EVI5L: variants seen among roughly 807,000 people sequenced by gnomAD.
EVI5L encodes EVI5-like protein.
Under a neutral mutation model 106.1 loss-of-function variants are expected in EVI5L, and 30 were observed. That is an observed-to-expected ratio of 0.28 (90% CI 0.21 to 0.38). The LOEUF (loss-of-function observed/expected upper bound fraction) is 0.38. EVI5L is among the 10% of genes least tolerant of loss of function. EVI5L has a pLI of 1.00. For missense variants in EVI5L, 809 were observed against 1,098.0 expected (o/e 0.74, Z 3.72); for synonymous variants, 489 against 483.3 (o/e 1.01, Z -0.15).
chr19:7,834,373 G>T (rs1978314112), intron 1 of EVI5L, among the ~76,000 whole-genome samples: 1 of 151,950 alleles, frequency 6.6e-6, no homozygotes, highest in African/African-American at 2.4e-5. Context: ...AAAAATGAGG[G>T]TTTTGCCAGA....
intron 17 of EVI5L, 71 bp from the exon 18 acceptor site, chr19:7,862,901 C>T (rs1979911434): frequency 8.6e-7 from 1 of 1,159,360 alleles, no homozygotes; most frequent in African/African-American, 1.6e-5. Context: ...TCGCCCCTGC[C>T]CGCGGTCCCG....
intron 10 of EVI5L, 131 bp downstream of exon 10, chr19:7,853,464 C>A: frequency 8.0e-7 from 1 of 1,249,572 alleles, no homozygotes; most frequent in Middle Eastern, 2.7e-4. Flanking sequence ...CCTTGGCGGA[C>A]AGGCCTCCGC....
In EVI5L at chr19:7,849,261, C is replaced by T. The variant is rs1277090964; in HGVS notation, c.558C>T (p.Tyr186=). 1.2e-6 allele frequency: 2 copies of T among 1,614,204 alleles called. No homozygotes were observed. The highest frequency in any genetic ancestry group is 1.1e-5 in the South Asian group (1 of 91,084). Reference sequence around the variant, plus strand: ...CAGGACTTGTTCCCTTCTAGGCATACTCGCTGGTAGACCGGGAGGTGGGCT... The same window carrying T: ...CAGGACTTGTTCCCTTCTAGGCATATTCGCTGGTAGACCGGGAGGTGGGCT... ...QEVLFNVMKA[Y]SLVDREVGYC... Residue 186 remains tyrosine, a synonymous_variant, in exon 5 of 20, where the codon TAC becomes TAT. Transcript: ENST00000538904.
chr19:7,861,526 AG>A (rs1979798563), intron 14 of EVI5L, among the ~76,000 whole-genome samples: 1 of 152,242 alleles, frequency 6.6e-6, no homozygotes. Context: ...TGGGGGCCAG[AG>A]GGCAGACAGG....
At chr19:7,852,717 A>C (rs1979317596) in intron 8 of EVI5L, 6 of 155,046 alleles carry the variant, frequency 3.9e-5, no homozygotes, top group South Asian at 3.2e-4. Context: ...ATGTCCAGCT[A>C]ATTTTTTTTT....
intron 1 of EVI5L, among the ~76,000 whole-genome samples, chr19:7,843,371 C>G (rs1978767381): frequency 2.4e-5 from 2 of 81,820 alleles, no homozygotes; most frequent in African/African-American, 4.6e-5. Context: ...TGAGAATAGG[C>G]ATGGGTGTGT....
rs551554016 is a variant in EVI5L at position 7,847,630 on chromosome 19, T to C, written c.138-102T>C. On this transcript the variant is annotated intron_variant, in intron 2 of 19. Transcript: ENST00000538904. ...AGAACAAGAGGGACCTAATCCCTGG[T>C]GTCCTCTAAGACCCCCAGGAGGGGG... The C allele has an allele frequency of 3.5e-5, 40 of 1,153,514 alleles. No individual in the cohort carries two copies. The Admixed American group carries it at 9.3e-4, about 27-fold the overall frequency. The allele number at this position is 1,153,514 out of a possible 1,614,324, so 71.5% of individuals were successfully genotyped here.
chr19:7,847,778 C>T lies in EVI5L; in HGVS notation c.184C>T (p.Arg62Trp). 6.2e-7 allele frequency: 1 copy of T among 1,613,260 alleles called. No homozygotes were observed. ...GTCCATGCGCTCCATGAATGGCTCG[C>T]GGCGGAACAGTGGCTCCTCGCTAGT... ...SKSMRSMNGS[R>W]RNSGSSLVSS... is the part of the protein sequence containing the mutation. Residue 62 changes from arginine to tryptophan, a missense_variant, in exon 3 of 20, where the codon CGG becomes TGG. Transcript: ENST00000538904.
chr19:7,853,930 C>T (rs1979390111), intron 10 of EVI5L, among the ~76,000 whole-genome samples: 1 of 152,190 alleles, frequency 6.6e-6, no homozygotes, highest in Non-Finnish European at 1.5e-5. Context: ...GTGTGCAAAG[C>T]TTCTCTCTCC....
Position 7,851,088 on chromosome 19 carries a change from T to TG in EVI5L, c.754-345dup, listed in dbSNP as rs550200712. ...CATGCTCCACCTCTGGGTCTCAGGG[T>TG]GTCTGTGGGGAGTGACCCAACTCCC... On this transcript the variant is annotated intron_variant, in intron 6 of 19. Transcript: ENST00000538904. Among the ~76,000 whole-genome samples, 30 of 151,828 alleles carry TG rather than the reference T, an allele frequency of 2.0e-4. No homozygotes were observed. In the South Asian group the frequency reaches 6.2e-3, roughly 32 times the overall value.
At chr19:7,842,422 T>C (rs1209572674) in intron 1 of EVI5L, among the ~76,000 whole-genome samples, 1 of 106,072 alleles carries the variant, frequency 9.4e-6, no homozygotes, top group African/African-American at 3.3e-5. Flanking sequence ...ATCAAGTGTG[T>C]GCATGTGTGT....
At chr19:7,838,861 C>T (rs1294633209) in intron 1 of EVI5L, among the ~76,000 whole-genome samples, 1 of 152,020 alleles carries the variant, frequency 6.6e-6, no homozygotes, top group Non-Finnish European at 1.5e-5. Context: ...CCAAACCGGC[C>T]AGGCACAGTC....
Position 7,851,516 on chromosome 19 carries a change from T to C in EVI5L, c.836T>C (p.Leu279Pro). The C allele has an allele frequency of 6.2e-7, 1 of 1,613,438 alleles. No individual in the cohort carries two copies. Residue 279 changes from leucine (L) to proline (P), a missense_variant, in exon 7 of 20, where the codon CTG (leucine) becomes CCG (proline). Physicochemically the swap from Leu to Pro is moderately conservative, Grantham distance 98. Transcript: ENST00000538904. ...TATGCCTCGTCCTGGTTCCTCACAC[T>C]GTTCCTGACCACCTTCCCACTCCCC... ...SMYASSWFLT[L>P]FLTTFPLPVA...
rs767666253 is a variant in EVI5L, at chr19:7,857,489, C to T, written c.1233+365C>T. On this transcript the variant is annotated intron_variant, in intron 12 of 19. Transcript: ENST00000538904. The surrounding 1 kb of genome is among the most constrained non-coding windows in gnomAD (Gnocchi z 4.5). The stretch of plus-strand genomic sequence containing the variant: ...GCTGCGGTCACACACACACACAACA[C>T]ATGCACACACACACACGCACACACA... 326 of 440,594 alleles carry T rather than the reference C, an allele frequency of 7.4e-4. No individual in the cohort carries two copies. Among genetic ancestry groups the T allele is most frequent in the Non-Finnish European group, 1.2e-3 (291 of 237,610 alleles). 27.3% of individuals were successfully genotyped at this position (440,594 alleles called of 1,614,324 possible). A position where few individuals can be genotyped will look rare whatever the true frequency, so the allele number is the denominator to read the frequency against.
Position 7,862,958 on chromosome 19 carries a change from TC to T in EVI5L, c.1948-9del, listed in dbSNP as rs1353291176. The T allele has an allele frequency of 6.7e-6, 6 of 899,238 alleles. No individual in the cohort carries two copies. The African/African-American group carries it at 1.1e-4, about 16-fold the overall frequency. The allele number at this position is 899,238 out of a possible 1,614,324, so 55.7% of individuals were successfully genotyped here. A position where few individuals can be genotyped will look rare whatever the true frequency, so the allele number is the denominator to read the frequency against. ...CTGACCCGCCCTCCTTTCCCCCCAATCCCCCGACCCCAGAGCAAGGAGGAGG... is the reference window on the plus strand; with the variant it reads ...CTGACCCGCCCTCCTTTCCCCCCAATCCCCGACCCCAGAGCAAGGAGGAGG... On this transcript the variant is annotated splice_polypyrimidine_tract_variant and intron_variant, in intron 17 of 19. Transcript: ENST00000538904.
In EVI5L at chr19:7,848,133, G is replaced by A. The variant is rs747029438; in HGVS notation, c.327+212G>A. 6.6e-6 allele frequency among the ~76,000 whole-genome samples: 1 copy of A among 152,160 alleles called. No individual in the cohort carries two copies. Among genetic ancestry groups the A allele is most frequent in the Non-Finnish European group, 1.5e-5 (1 of 68,026 alleles). On this transcript the variant is annotated intron_variant, in intron 3 of 19. Coordinates refer to ENST00000538904, the MANE Select transcript of EVI5L (RefSeq NM_001159944.3). This position sits in a 1 kb window ranked among gnomAD's most constrained non-coding sequence, Gnocchi z 4.8. ...TGCTGGACAGGCCCTGCACCCTCGA[G>A]TGCCCATGTGCTTGCTGCCCTGTAG...
rs1476451564 is a variant in EVI5L, at chr19:7,848,155, G to A, written c.327+234G>A. Among the ~76,000 whole-genome samples the A allele has an allele frequency of 1.3e-5, 2 of 152,198 alleles. No individual in the cohort carries two copies. The highest frequency in any genetic ancestry group is 4.8e-5 in the African/African-American group (2 of 41,444). ...CGAGTGCCCATGTGCTTGCTGCCCTGTAGTGCCCATGAAGGATGGGGGTGT... is the reference window on the plus strand; with the variant it reads ...CGAGTGCCCATGTGCTTGCTGCCCTATAGTGCCCATGAAGGATGGGGGTGT... On this transcript the variant is annotated intron_variant, in intron 3 of 19. Coordinates refer to ENST00000538904, the MANE Select transcript of EVI5L (RefSeq NM_001159944.3). This position sits in a 1 kb window ranked among gnomAD's most constrained non-coding sequence, Gnocchi z 4.8.
At position 7,845,380 on chromosome 19, in the gene EVI5L, C is replaced by CT. The variant is rs1978908098; in HGVS notation, c.-47-1115dup. ...CGTCCCTTTCCTCTAGGGCCCCCTG[C>CT]TAGGGGTCCCCTGGCCATCAGTCCC... On this transcript the variant is annotated intron_variant, in intron 1 of 19. Coordinates refer to ENST00000538904, the MANE Select transcript of EVI5L (RefSeq NM_001159944.3). This position sits in a 1 kb window ranked among gnomAD's most constrained non-coding sequence, Gnocchi z 4.0. Among the ~76,000 whole-genome samples the CT allele has an allele frequency of 6.6e-6, 1 of 152,108 alleles. No individual in the cohort carries two copies. Among genetic ancestry groups the CT allele is most frequent in the Non-Finnish European group, 1.5e-5 (1 of 67,984 alleles).
chr19:7,854,997 C>G (rs1979450950), intron 10 of EVI5L, among the ~76,000 whole-genome samples: 1 of 152,220 alleles, frequency 6.6e-6, no homozygotes, highest in South Asian at 2.1e-4. Context: ...CAAACAATTT[C>G]TGTACCACCT....
Sources: gnomAD v4.1 joint callset for allele counts (sites outside exome capture counted in the v4.1 genomes callset) on GRCh38, gnomAD v4.1.1 for gene constraint, Gnocchi (gnomAD v3.1) non-coding constraint, MANE v1.5 for transcripts, NCBI Gene and HGNC (gene_info 2026-07-23, HGNC 2026-07-21) for gene names.